ABI2: variants seen among roughly 807,000 people sequenced by gnomAD.
ABI2 encodes the protein abelson interactor 2.
A neutral mutation model predicts 59.2 loss-of-function variants in ABI2; 25 were observed. The ratio of observed to expected loss-of-function variants is 0.42; its 90% CI spans 0.31 to 0.59. The LOEUF (loss-of-function observed/expected upper bound fraction) is 0.59, where lower values mean the gene tolerates loss of function less well. ABI2 is among the 20% of genes least tolerant of loss of function. The pLI is 0.14. For missense variants in ABI2, 545 were observed against 681.8 expected (o/e 0.80, Z 2.23); for synonymous variants, 213 against 235.5 (o/e 0.90, Z 0.87).
At position 203,344,361 on chromosome 2, in the gene ABI2, A is replaced by T. The variant is rs536425065; in HGVS notation, c.117+15730A>T. On this transcript the variant is annotated intron_variant, in intron 1 of 11. Coordinates refer to ENST00000261018, the MANE Select transcript of ABI2 (RefSeq NM_001375670.1). ...AAATCAAGAACAATATAATTTTTAA[A>T]TTTTTTTTTCCTTTTTTTTTGAGAC... 7.1e-4 allele frequency among the ~76,000 whole-genome samples: 108 copies of T among 151,396 alleles called. 1 individual carries two copies. In the South Asian group the frequency reaches 0.011, roughly 15 times the overall value.
chr2:203,331,674 A>G (rs574980768), intron 1 of ABI2, among the ~76,000 whole-genome samples: 2 of 150,358 alleles, frequency 1.3e-5, no homozygotes, highest in African/African-American at 4.9e-5. Context: ...TAGCCTTATT[A>G]TAGCATCATG....
At chr2:203,331,348 C>CTTTTTTTTTTTTTTTTTTTT (rs201209202) in intron 1 of ABI2, among the ~76,000 whole-genome samples, 1 of 85,302 alleles carries the variant, frequency 1.2e-5, no homozygotes, top group Non-Finnish European at 2.1e-5. Flanking sequence ...TCAATTTAGC[C>CTTTTTTTTTTTTTTTTTTTT]TTTTTTTTTT....
chr2:203,413,548 G>C (rs762483398), intron 10 of ABI2, among the ~76,000 whole-genome samples: 1 of 152,050 alleles, frequency 6.6e-6, no homozygotes, highest in Admixed American at 6.5e-5. Flanking sequence ...TTTTGGATTG[G>C]TCTTTTTCAT....
chr2:203,402,224 G>A (rs546299834), intron 8 of ABI2, among the ~76,000 whole-genome samples: 81 of 152,158 alleles, frequency 5.3e-4, no homozygotes, highest in African/African-American at 1.9e-3. Context: ...TAGTTGAAAC[G>A]GGGTTTCACC....
intron 11 of ABI2, among the ~76,000 whole-genome samples, chr2:203,423,632 C>T (rs988223400): frequency 2.0e-5 from 3 of 152,136 alleles, no homozygotes; most frequent in African/African-American, 7.2e-5. Flanking sequence ...ACCATATTGG[C>T]CAGGCTGGTC....
At chr2:203,399,596 A>G (rs1017265090) in intron 8 of ABI2, among the ~76,000 whole-genome samples, 1 of 152,186 alleles carries the variant, frequency 6.6e-6, no homozygotes, top group Non-Finnish European at 1.5e-5. Flanking sequence ...GCTCACTGCA[A>G]TCTCCGCCTC....
chr2:203,416,533 T>C (rs2097902687), intron 10 of ABI2, among the ~76,000 whole-genome samples: 1 of 152,160 alleles, frequency 6.6e-6, no homozygotes, highest in African/African-American at 2.4e-5. Context: ...TGACCTCAGG[T>C]GATCCGCCTG....
chr2:203,422,076 G>C (rs1174189458), intron 11 of ABI2, among the ~76,000 whole-genome samples: 2 of 151,974 alleles, frequency 1.3e-5, no homozygotes, highest in Admixed American at 1.3e-4. Flanking sequence ...CCGGCGGATT[G>C]CTTGAGACGA....
intron 1 of ABI2, among the ~76,000 whole-genome samples, chr2:203,362,255 AAAT>A: frequency 1.3e-5 from 2 of 152,322 alleles, no homozygotes; most frequent in South Asian, 4.1e-4. Flanking sequence ...TCTAAGCATG[AAAT>A]AATGATATTG....
intron 11 of ABI2, among the ~76,000 whole-genome samples, chr2:203,426,019 C>CA (rs34530204): frequency 0.21 from 18,153 of 85,232 alleles, 2,245 homozygotes; most frequent in African/African-American, 0.42. Context: ...GAGACTGTCT[C>CA]AAAAAAAAAA....
chr2:203,430,179 T>TAAA lies in ABI2; in HGVS notation c.*2827_*2828insAAA, dbSNP rs988290758. The TAAA allele has an allele frequency of 1.3e-5, 2 of 152,196 alleles. No individual in the cohort carries two copies. Among genetic ancestry groups the TAAA allele is most frequent in the African/African-American group, 4.8e-5 (2 of 41,440 alleles). The allele number at this position is 152,196 out of a possible 1,614,324, so 9.4% of individuals were successfully genotyped here. On this transcript the variant is annotated 3_prime_UTR_variant, in exon 12 of 12. Coordinates refer to ENST00000261018, the MANE Select transcript of ABI2 (RefSeq NM_001375670.1). The stretch of plus-strand genomic sequence containing the variant: ...TATTAATCATCTGTGAGGGTAGTAT[T>TAAA]TTTTGTTTTATTGTAAGTTTCCCTC...
intron 9 of ABI2, among the ~76,000 whole-genome samples, chr2:203,404,481 C>G (rs2097347415): frequency 6.6e-6 from 1 of 152,164 alleles, no homozygotes; most frequent in Non-Finnish European, 1.5e-5. Context: ...ATACATTTGC[C>G]TTTTAAACCA....
chr2:203,340,687 C>T (rs1331047997), intron 1 of ABI2, among the ~76,000 whole-genome samples: 2 of 152,028 alleles, frequency 1.3e-5, no homozygotes, highest in Admixed American at 1.3e-4. Flanking sequence ...GTTGCCCACT[C>T]CCCGCTCCCA....
chr2:203,394,876 A>G lies in ABI2; in HGVS notation c.725+30A>G, dbSNP rs190160113. ...TTTCTCTACCTCAGTGCAAAATGTG[A>G]TGGTCATAGTACCATAATCTGTTCA... On this transcript the variant is annotated intron_variant, in intron 6 of 11. Transcript: ENST00000261018. 1.3e-5 allele frequency: 21 copies of G among 1,610,382 alleles called. No individual in the cohort carries two copies. The African/African-American group carries it at 2.5e-4, about 19-fold the overall frequency.
rs71007509 is a variant in ABI2 at position 203,370,186 on chromosome 2, TTCTCTCTCTCTC to T, written c.285+3172_285+3183del. 4.6e-3 allele frequency among the ~76,000 whole-genome samples: 632 copies of T among 136,682 alleles called. 1 individual carries two copies. Among genetic ancestry groups the T allele is most frequent in the African/African-American group, 0.013 (460 of 35,974 alleles). 89.7% of individuals were successfully genotyped at this position (136,682 alleles called of 152,430 possible). A position where few individuals can be genotyped will look rare whatever the true frequency, so the allele number is the denominator to read the frequency against. ...GGCTACGTATGGTGTCATTCTCCTA[TTCTCTCTCTCTC>T]TCTCTCTCTCTCTCTCTCTCTCTCT... is the stretch of plus-strand genomic sequence containing the variant. On this transcript the variant is annotated intron_variant, in intron 2 of 11. Transcript: ENST00000261018.
At chr2:203,403,875 C>T (rs765806665) in intron 9 of ABI2, among the ~76,000 whole-genome samples, 3 of 151,226 alleles carry the variant, frequency 2.0e-5, no homozygotes, top group African/African-American at 4.9e-5. Flanking sequence ...CCTCAGCCTC[C>T]TGAGTAGCTG....
At chr2:203,330,079 T>G (rs925729212) in intron 1 of ABI2, among the ~76,000 whole-genome samples, 2 of 152,134 alleles carry the variant, frequency 1.3e-5, no homozygotes, top group Non-Finnish European at 2.9e-5. Context: ...GTGTAAATTT[T>G]AAAAAACAGG....
intron 5 of ABI2, among the ~76,000 whole-genome samples, chr2:203,392,263 GCACCACCACCATCACCACCACCAC>G (rs1415058016): frequency 5.0e-4 from 73 of 145,628 alleles, no homozygotes; most frequent in African/African-American, 1.6e-3. Context: ...GGCTTCCTCA[GCACCACCACCATCACCACCACCAC>G]CACCACCACC....
chr2:203,408,344 G>A (rs2097521207), intron 9 of ABI2, among the ~76,000 whole-genome samples: 1 of 151,772 alleles, frequency 6.6e-6, no homozygotes, highest in Non-Finnish European at 1.5e-5. Flanking sequence ...TGTATTTTTA[G>A]TAGAGATGGG....
Sources: gnomAD v4.1 joint callset for allele counts (sites outside exome capture counted in the v4.1 genomes callset) on GRCh38, gnomAD v4.1.1 for gene constraint, MANE v1.5 for transcripts, NCBI Gene and HGNC (gene_info 2026-07-23, HGNC 2026-07-21) for gene names.